Variants in DPP6 observed in about 807,000 individuals in gnomAD.
DPP6 encodes the protein dipeptidyl peptidase like 6.
A neutral mutation model predicts 122.6 loss-of-function variants in DPP6; 69 were observed. The ratio of observed to expected loss-of-function variants is 0.56; its 90% CI spans 0.46 to 0.69. DPP6 has a LOEUF of 0.69. Among genes scored for constraint, DPP6 ranks in the 30% least tolerant of loss-of-function variants. The pLI, the probability that DPP6 is intolerant of heterozygous loss-of-function variation, is 0.00. For missense variants in DPP6, 928 were observed against 1,116.9 expected (o/e 0.83, Z 2.41); for synonymous variants, 418 against 433.1 (o/e 0.97, Z 0.43).
At chr7:154,390,738 G>T (rs1370754247) in intron 1 of DPP6, among the ~76,000 whole-genome samples, 2 of 152,060 alleles carry the variant, frequency 1.3e-5, no homozygotes, top group African/African-American at 4.8e-5. Context: ...CTCTGGCACT[G>T]CCCCTGTGTT....
At chr7:153,944,709 C>T (rs1296103428) in intron 1 of DPP6, among the ~76,000 whole-genome samples, 1 of 138,798 alleles carries the variant, frequency 7.2e-6, no homozygotes, top group African/African-American at 2.7e-5. Flanking sequence ...CGGCCCACTG[C>T]AACCTCTGCC....
chr7:154,125,560 T>C (rs546535689), intron 1 of DPP6, among the ~76,000 whole-genome samples: 1 of 152,290 alleles, frequency 6.6e-6, no homozygotes, highest in Non-Finnish European at 1.5e-5. Flanking sequence ...CATGGCCTCT[T>C]ACAAGGAAGT....
intron 6 of DPP6, among the ~76,000 whole-genome samples, chr7:154,665,317 T>C (rs1838078670): frequency 6.6e-6 from 1 of 152,198 alleles, no homozygotes; most frequent in Non-Finnish European, 1.5e-5. Context: ...GTAAATTTGA[T>C]GATTTGATTT....
the DPP6 span, among the ~76,000 whole-genome samples, chr7:153,754,898 GT>G: frequency 2.8e-3 from 406 of 142,542 alleles, 1 homozygote; most frequent in African/African-American, 5.6e-3. Context: ...TGCTTGGATT[GT>G]TTTTTTTTTT....
At chr7:154,671,417 C>T (rs777146506) in intron 7 of DPP6, among the ~76,000 whole-genome samples, 16 of 152,314 alleles carry the variant, frequency 1.1e-4, no homozygotes, top group South Asian at 6.2e-4. Context: ...AGAAGACCAT[C>T]ATAATGTGAC....
At chr7:154,228,868 A>C (rs1442854186) in intron 1 of DPP6, among the ~76,000 whole-genome samples, 4 of 152,198 alleles carry the variant, frequency 2.6e-5, no homozygotes. Context: ...CCTTTTTTAC[A>C]TTATTAACTG....
rs181209077 is a variant in DPP6, at chr7:154,077,657, T to C, written c.243+24594T>C. Among the ~76,000 whole-genome samples the C allele has an allele frequency of 1.5e-3, 232 of 149,760 alleles. 1 individual carries two copies. Among genetic ancestry groups the C allele is most frequent in the African/African-American group, 5.5e-3 (225 of 41,110 alleles). On this transcript the variant is annotated intron_variant, in intron 1 of 25. Coordinates refer to ENST00000377770, the MANE Select transcript of DPP6 (RefSeq NM_130797.4). ...TGAGAACCTTAAATAGATTATAGAT[T>C]TTATTTATTATTATTATTATTTTTT...
rs1276640374 is a variant in DPP6, at chr7:154,834,526, A to G, written c.1667-19254A>G. ...AAACAAAAAAAACCAGCTCCCATTT[A>G]TTTCGCTCTAATAATGGCCAAGAAC... is the stretch of plus-strand genomic sequence containing the variant. On this transcript the variant is annotated intron_variant, in intron 16 of 25. Transcript: ENST00000377770. 2.0e-5 allele frequency among the ~76,000 whole-genome samples: 3 copies of G among 152,040 alleles called. No homozygotes were observed. In the South Asian group the frequency reaches 6.2e-4, roughly 32 times the overall value.
chr7:153,896,807 C>T (rs762161388), intron 1 of DPP6, among the ~76,000 whole-genome samples: 9 of 152,136 alleles, frequency 5.9e-5, no homozygotes, highest in Middle Eastern at 3.4e-3. Flanking sequence ...AGCAAGACCC[C>T]GTTTCTTTAA....
chr7:154,644,039 G>A (rs1586796911), intron 6 of DPP6, among the ~76,000 whole-genome samples: 1 of 152,188 alleles, frequency 6.6e-6, no homozygotes, highest in South Asian at 2.1e-4. Context: ...GGTAGGCATA[G>A]GGTTAGGTAG....
intron 1 of DPP6, among the ~76,000 whole-genome samples, chr7:154,180,206 G>A (rs1798001062): frequency 6.6e-6 from 1 of 151,646 alleles, no homozygotes; most frequent in South Asian, 2.1e-4. Context: ...AAATTAGCCA[G>A]GCATGGTAGT....
At chr7:153,921,108 T>TG (rs1210253882) in intron 1 of DPP6, among the ~76,000 whole-genome samples, 1 of 152,132 alleles carries the variant, frequency 6.6e-6, no homozygotes, top group African/African-American at 2.4e-5. Flanking sequence ...AGAAAGCGAG[T>TG]GTTAGGAGCC....
intron 1 of DPP6, among the ~76,000 whole-genome samples, chr7:153,895,515 A>T (rs1053222300): frequency 6.6e-6 from 1 of 152,208 alleles, no homozygotes; most frequent in Non-Finnish European, 1.5e-5. Flanking sequence ...TGTTGGCATC[A>T]TGATTTCTTC....
rs115252184 is a variant in DPP6, at chr7:154,585,168, C to A, written c.627+18252C>A. Reference sequence around the variant, plus strand: ...AGAAGGTCATATAAATGGCATCAAGCAGTATATAAAGACTAGCTTCAAAGT... The same window carrying A: ...AGAAGGTCATATAAATGGCATCAAGAAGTATATAAAGACTAGCTTCAAAGT... On this transcript the variant is annotated intron_variant, in intron 5 of 25. Coordinates refer to ENST00000377770, the MANE Select transcript of DPP6 (RefSeq NM_130797.4). Among the ~76,000 whole-genome samples the A allele has an allele frequency of 4.5e-3, 680 of 152,268 alleles. 5 individuals carry two copies. Among genetic ancestry groups the A allele is most frequent in the African/African-American group, 0.015 (633 of 41,566 alleles).
At chr7:154,574,736 G>A (rs1024348776) in intron 5 of DPP6, among the ~76,000 whole-genome samples, 2 of 143,048 alleles carry the variant, frequency 1.4e-5, no homozygotes, top group Non-Finnish European at 1.5e-5. Flanking sequence ...GTACGTGTGT[G>A]GTGTGTGTAT....
intron 5 of DPP6, among the ~76,000 whole-genome samples, chr7:154,586,701 T>C (rs1832476492): frequency 6.6e-6 from 1 of 152,348 alleles, no homozygotes; most frequent in South Asian, 2.1e-4. Flanking sequence ...TTTCCCTTAC[T>C]TGCCACTAAA....
chr7:154,616,934 G>A lies in DPP6; in HGVS notation c.628-20887G>A, dbSNP rs113186420. Among the ~76,000 whole-genome samples the A allele has an allele frequency of 3.1e-3, 473 of 152,282 alleles. 3 individuals are homozygous for A. The highest frequency in any genetic ancestry group is 0.01 in the African/African-American group (428 of 41,562). The stretch of plus-strand genomic sequence containing the variant: ...CTCTAGCAAAGAAAAAACAACAGCT[G>A]CAAGTTGGAGATCATGAACTGTCTT... On this transcript the variant is annotated intron_variant, in intron 5 of 25. Transcript: ENST00000377770.
Position 154,224,178 on chromosome 7 carries a change from A to G in DPP6, c.243+171115A>G, listed in dbSNP as rs900169643. 1.3e-4 allele frequency among the ~76,000 whole-genome samples: 20 copies of G among 148,666 alleles called. 1 individual carries two copies. The highest frequency in any genetic ancestry group is 4.2e-4 in the South Asian group (2 of 4,718). On this transcript the variant is annotated intron_variant, in intron 1 of 25. Coordinates refer to ENST00000377770, the MANE Select transcript of DPP6 (RefSeq NM_130797.4). The stretch of plus-strand genomic sequence containing the variant: ...CCATGATGGTGATGGTTGAGTGGAG[A>G]GAAATGGACAACGTTAAGAGATACT...
chr7:154,062,997 T>A lies in DPP6; in HGVS notation c.243+9934T>A, dbSNP rs1409279935. On this transcript the variant is annotated intron_variant, in intron 1 of 25. Transcript: ENST00000377770. ...CTTACGTGGAATTACTGAGAGCCAG[T>A]CCCTCTTCCCCCCCTGGCTCTGAGG... Among the ~76,000 whole-genome samples the A allele has an allele frequency of 1.3e-4, 17 of 127,852 alleles. 2 individuals are homozygous for A. In the East Asian group the frequency reaches 1.4e-3, roughly 10 times the overall value. 83.9% of individuals were successfully genotyped at this position (127,852 alleles called of 152,430 possible).
Sources: allele counts gnomAD v4.1 joint callset (sites outside exome capture counted in the v4.1 genomes callset), GRCh38; gene constraint gnomAD v4.1.1; transcripts MANE v1.5; gene names NCBI Gene and HGNC (gene_info 2026-07-23, HGNC 2026-07-21).